NFKB1: variants seen among roughly 807,000 people sequenced by gnomAD.
NFKB1 encodes nuclear factor kappa B subunit 1, also known as nuclear factor NF-kappa-B p105 subunit.
A neutral mutation model predicts 105.1 loss-of-function variants in NFKB1; 9 were observed. That is an observed-to-expected ratio of 0.09 (90% CI 0.05 to 0.15). NFKB1 has a LOEUF of 0.15. NFKB1 is among the 10% of genes least tolerant of loss of function. The pLI is 1.00. For missense variants in NFKB1, 830 were observed against 1,203.7 expected (o/e 0.69, Z 4.59); for synonymous variants, 440 against 442.2 (o/e 1.00, Z 0.06).
At chr4:102,547,068 G>C (rs1560661020) in intron 5 of NFKB1, among the ~76,000 whole-genome samples, 1 of 152,108 alleles carries the variant, frequency 6.6e-6, no homozygotes, top group Non-Finnish European at 1.5e-5. Flanking sequence ...TAGAAAATAT[G>C]TATGCAAATA....
At chr4:102,561,884 G>A (rs569656170) in intron 5 of NFKB1, among the ~76,000 whole-genome samples, 16 of 152,212 alleles carry the variant, frequency 1.1e-4, no homozygotes, top group Non-Finnish European at 2.1e-4. Context: ...TTCATATTGC[G>A]CTAGGTTGCA....
intron 8 of NFKB1, among the ~76,000 whole-genome samples, chr4:102,579,256 TC>T (rs1725121803): frequency 6.6e-6 from 1 of 152,178 alleles, no homozygotes. Flanking sequence ...TAATTCTTTT[TC>T]CTTTGATGTA....
intron 5 of NFKB1, among the ~76,000 whole-genome samples, chr4:102,542,217 G>A (rs1423140681): frequency 1.3e-5 from 2 of 152,100 alleles, no homozygotes; most frequent in Non-Finnish European, 2.9e-5. Context: ...ATAGGTGTAG[G>A]CTAGCTTACA....
chr4:102,529,541 A>T (rs1431319846), intron 2 of NFKB1, among the ~76,000 whole-genome samples: 1 of 152,210 alleles, frequency 6.6e-6, no homozygotes, highest in East Asian at 1.9e-4. Flanking sequence ...CCCTGAAGAT[A>T]TACCAGTAAG....
At chr4:102,599,294 G>A (rs190711608) in intron 15 of NFKB1, among the ~76,000 whole-genome samples, 32 of 152,242 alleles carry the variant, frequency 2.1e-4, no homozygotes, top group Non-Finnish European at 1.8e-4. Flanking sequence ...ATTTCAAGAA[G>A]CAATAGTGAA....
chr4:102,539,151 C>T (rs917653266), intron 5 of NFKB1, among the ~76,000 whole-genome samples: 70 of 149,530 alleles, frequency 4.7e-4, no homozygotes, highest in African/African-American at 1.6e-3. Context: ...GCACAAGAAT[C>T]GCTTGAACCT....
intron 7 of NFKB1, chr4:102,578,430 C>G (rs1393197747): frequency 5.9e-6 from 1 of 169,852 alleles, no homozygotes; most frequent in Non-Finnish European, 1.2e-5. Context: ...TTTTGAGTAC[C>G]TACTATGTGC....
chr4:102,551,372 G>GCA (rs1722588439), intron 5 of NFKB1, among the ~76,000 whole-genome samples: 2 of 139,768 alleles, frequency 1.4e-5, no homozygotes, highest in African/African-American at 5.6e-5. Flanking sequence ...GTGTGTGCGC[G>GCA]CGCGCATGTG....
At chr4:102,578,843 T>G (rs1725081771) in intron 7 of NFKB1, 38 bp from the exon 8 acceptor site, 1 of 1,585,624 alleles carries the variant, frequency 6.3e-7, no homozygotes, top group Non-Finnish European at 8.6e-7. Context: ...ATGTTCACAC[T>G]TCCCTGGGCA....
intron 2 of NFKB1, 141 bp downstream of exon 2, chr4:102,525,698 C>T: frequency 1.4e-6 from 1 of 730,954 alleles, no homozygotes; most frequent in Non-Finnish European, 2.3e-6. Flanking sequence ...TCTGTCCTTT[C>T]ATGTGAAGTT....
intron 13 of NFKB1, among the ~76,000 whole-genome samples, chr4:102,595,304 T>C (rs891572248): frequency 3.3e-5 from 5 of 152,344 alleles, no homozygotes; most frequent in African/African-American, 9.6e-5. Flanking sequence ...TCTCTTTTTT[T>C]CTCAAATAGT....
At chr4:102,589,473 G>T (rs913892706) in intron 11 of NFKB1, among the ~76,000 whole-genome samples, 1 of 145,348 alleles carries the variant, frequency 6.9e-6, no homozygotes, top group South Asian at 2.2e-4. Flanking sequence ...GGCAACCTTG[G>T]TTTTTTTTTT....
intron 5 of NFKB1, 54 bp downstream of exon 5, chr4:102,538,010 A>G (rs1006037726): frequency 2.0e-5 from 23 of 1,136,792 alleles, no homozygotes; most frequent in African/African-American, 7.6e-5. Flanking sequence ...TTGATTTCCT[A>G]CGATTTCCAA....
rs1173273993 is a variant in NFKB1, at chr4:102,606,707, A to G, written c.1954+10A>G. Reference sequence around the variant, plus strand: ...CACCCCAACGGGGACGGTAAGAGACAATCACACATCATTGGTGTAACTTTC... The same window carrying G: ...CACCCCAACGGGGACGGTAAGAGACGATCACACATCATTGGTGTAACTTTC... On this transcript the variant is annotated intron_variant, in intron 17 of 23. Transcript: ENST00000226574. 3.7e-6 allele frequency: 6 copies of G among 1,611,466 alleles called. No homozygotes were observed. Among genetic ancestry groups the G allele is most frequent in the African/African-American group, 1.3e-5 (1 of 75,014 alleles).
intron 11 of NFKB1, among the ~76,000 whole-genome samples, chr4:102,589,159 A>G (rs1247843404): frequency 6.6e-6 from 1 of 152,240 alleles, no homozygotes; most frequent in Non-Finnish European, 1.5e-5. Context: ...ACAGTGAAAT[A>G]CAGCCAATAA....
In NFKB1 at chr4:102,576,201, AATGGTCATAAAT is replaced by A. The variant is rs540596086; in HGVS notation, c.408-673_408-662del. Among the ~76,000 whole-genome samples, 805 of 152,344 alleles carry A rather than the reference AATGGTCATAAAT, an allele frequency of 5.3e-3. 5 individuals carry two copies. The highest frequency in any genetic ancestry group is 0.017 in the African/African-American group (722 of 41,578). On this transcript the variant is annotated intron_variant, in intron 6 of 23. Transcript: ENST00000226574. ...ACGTGTATACTTAGATGACAACTCT[AATGGTCATAAAT>A]AATTCCAACCTTATAGATAACTCAG...
intron 5 of NFKB1, among the ~76,000 whole-genome samples, chr4:102,559,665 G>A (rs776958625): frequency 7.2e-5 from 11 of 152,144 alleles, no homozygotes; most frequent in Non-Finnish European, 1.2e-4. Context: ...AAAGAGGCCA[G>A]GCACAGTGGC....
intron 2 of NFKB1, among the ~76,000 whole-genome samples, chr4:102,528,680 G>A (rs1055480722): frequency 5.3e-5 from 8 of 152,132 alleles, no homozygotes; most frequent in Non-Finnish European, 1.2e-4. Flanking sequence ...AAAATAAATA[G>A]CAAGCTCAGA....
chr4:102,589,233 A>G (rs972146926), intron 11 of NFKB1, among the ~76,000 whole-genome samples: 1 of 152,242 alleles, frequency 6.6e-6, no homozygotes, highest in Non-Finnish European at 1.5e-5. Context: ...TCTTTGCTGG[A>G]ATCCATGTCA....
Sources: gnomAD v4.1 joint callset for allele counts (sites outside exome capture counted in the v4.1 genomes callset) on GRCh38, gnomAD v4.1.1 for gene constraint, MANE v1.5 for transcripts, NCBI Gene and HGNC (gene_info 2026-07-23, HGNC 2026-07-21) for gene names.